Variants in PCDH9 observed in about 807,000 individuals in gnomAD.
PCDH9 encodes the protein protocadherin 9.
A neutral mutation model predicts 70.6 loss-of-function variants in PCDH9; 24 were observed. That is an observed-to-expected ratio of 0.34 (90% confidence interval 0.25 to 0.48). The LOEUF (loss-of-function observed/expected upper bound fraction) is 0.48. PCDH9 is among the 20% of genes least tolerant of loss of function. The probability of loss-of-function intolerance (pLI) is 0.99; values close to 1 mark genes in which losing one functional copy is unlikely to be tolerated. For synonymous variants in PCDH9, 562 were observed against 558.5 expected, an observed-to-expected ratio of 1.01 and a Z score of -0.09; for missense variants, 1,281 against 1,503.6, an observed-to-expected ratio of 0.85 and a Z score of 2.45.
intron 3 of PCDH9, among the ~76,000 whole-genome samples, chr13:66,679,303 A>G (rs2078286331): frequency 6.6e-6 from 1 of 151,798 alleles, no homozygotes; most frequent in Admixed American, 6.6e-5. Context: ...TAATACAATT[A>G]TAATACCTAC....
At chr13:66,720,326 GTT>G (rs66600272) in intron 3 of PCDH9, among the ~76,000 whole-genome samples, 66,825 of 131,962 alleles carry the variant, frequency 0.51, 16,222 homozygotes, top group Middle Eastern at 0.55. Flanking sequence ...TTGCTTTTTT[GTT>G]TTTTTTTTTT....
At chr13:66,414,298 A>G (rs944771104) in intron 4 of PCDH9, among the ~76,000 whole-genome samples, 3 of 152,126 alleles carry the variant, frequency 2.0e-5, no homozygotes, top group Non-Finnish European at 2.9e-5. Flanking sequence ...ACTTAACTAC[A>G]AAAGTTATTT....
intron 4 of PCDH9, among the ~76,000 whole-genome samples, chr13:66,472,290 TC>T (rs1462467437): frequency 6.6e-6 from 1 of 150,732 alleles, no homozygotes; most frequent in Non-Finnish European, 1.5e-5. Context: ...AAAACCCAGG[TC>T]AGGTGTGGTT....
rs891075217 is a variant in PCDH9, at chr13:66,951,220, A to G, written c.3037-47615T>C. Among the ~76,000 whole-genome samples the G allele has an allele frequency of 3.9e-5, 6 of 152,300 alleles. No individual in the cohort carries two copies. In the East Asian group the frequency reaches 1.2e-3, roughly 29 times the overall value. On this transcript the variant is annotated intron_variant, in intron 2 of 4. Transcript: ENST00000377865. ...TTTCACTTTTCAGTGCACAAGAAAT[A>G]TATACCTTTTTTTGTAATAATGTAA...
intron 2 of PCDH9, among the ~76,000 whole-genome samples, chr13:66,952,053 T>C (rs1306347212): frequency 6.6e-6 from 1 of 152,186 alleles, no homozygotes; most frequent in African/African-American, 2.4e-5. Flanking sequence ...GCCTGGTAAC[T>C]ATACAAGTCG....
chr13:66,883,440 C>T (rs902808238), intron 3 of PCDH9, among the ~76,000 whole-genome samples: 1 of 152,042 alleles, frequency 6.6e-6, no homozygotes, highest in Admixed American at 6.6e-5. Context: ...TGTAGAATAC[C>T]TCTGTCTCCC....
chr13:66,941,248 A>G (rs1654097063), intron 2 of PCDH9, among the ~76,000 whole-genome samples: 1 of 151,770 alleles, frequency 6.6e-6, no homozygotes, highest in Admixed American at 6.6e-5. Context: ...AGCAACCAAT[A>G]AAAATTTAAA....
intron 3 of PCDH9, among the ~76,000 whole-genome samples, chr13:66,851,167 C>T (rs1817317970): frequency 6.6e-6 from 1 of 152,112 alleles, no homozygotes; most frequent in African/African-American, 2.4e-5. Flanking sequence ...ACATGCTGCC[C>T]TTAGACAATT....
intron 2 of PCDH9, among the ~76,000 whole-genome samples, chr13:67,131,148 G>T (rs561026488): frequency 6.6e-6 from 1 of 152,198 alleles, no homozygotes; most frequent in South Asian, 2.1e-4. Context: ...TTTACTTATA[G>T]TTTGGGCCAA....
At chr13:66,634,578 C>T (rs1566471471) in intron 3 of PCDH9, among the ~76,000 whole-genome samples, 1 of 152,050 alleles carries the variant, frequency 6.6e-6, no homozygotes, top group Non-Finnish European at 1.5e-5. Context: ...GAAAATAATA[C>T]CTTGCCTGTG....
At chr13:66,638,235 C>T (rs570930602) in intron 3 of PCDH9, among the ~76,000 whole-genome samples, 20 of 152,136 alleles carry the variant, frequency 1.3e-4, no homozygotes, top group Non-Finnish European at 2.5e-4. Context: ...TGCCATCAGT[C>T]CTGAGGATTG....
intron 4 of PCDH9, among the ~76,000 whole-genome samples, chr13:66,354,186 A>G (rs988252237): frequency 6.6e-6 from 1 of 152,156 alleles, no homozygotes; most frequent in Non-Finnish European, 1.5e-5. Flanking sequence ...AGTTGGAAAC[A>G]ATAAGATTAA....
chr13:66,508,663 TA>T (rs113394221), intron 4 of PCDH9, among the ~76,000 whole-genome samples: 2 of 151,080 alleles, frequency 1.3e-5, no homozygotes, highest in Admixed American at 6.6e-5. Context: ...GGGATATTCA[TA>T]AAAAAAAACA....
intron 3 of PCDH9, among the ~76,000 whole-genome samples, chr13:66,747,517 A>G (rs1253197644): frequency 6.6e-6 from 1 of 152,224 alleles, no homozygotes; most frequent in African/African-American, 2.4e-5. Context: ...TTTAAGTGTT[A>G]AATACACTCA....
chr13:66,466,077 A>T (rs1958508542), intron 4 of PCDH9, among the ~76,000 whole-genome samples: 1 of 151,924 alleles, frequency 6.6e-6, no homozygotes, highest in Non-Finnish European at 1.5e-5. Flanking sequence ...ATATTGTCTG[A>T]TTCTTCATTT....
intron 4 of PCDH9, among the ~76,000 whole-genome samples, chr13:66,519,256 AAAACCAGATACCTGGT>A (rs1310808190): frequency 1.3e-5 from 2 of 152,180 alleles, no homozygotes; most frequent in Non-Finnish European, 2.9e-5. Context: ...TCCTTTAAAA[AAAACCAGATACCTGGT>A]AAGATCTATA....
At chr13:66,541,267 A>G (rs1220025350) in intron 4 of PCDH9, among the ~76,000 whole-genome samples, 1 of 152,188 alleles carries the variant, frequency 6.6e-6, no homozygotes, top group Non-Finnish European at 1.5e-5. Context: ...TCTCTGTGGA[A>G]GTGTCATTGT....
At chr13:66,961,390 A>G (rs1051583623) in intron 2 of PCDH9, among the ~76,000 whole-genome samples, 10 of 152,232 alleles carry the variant, frequency 6.6e-5, no homozygotes, top group African/African-American at 2.4e-4. Flanking sequence ...TAAATAAATA[A>G]TTATTGATTT....
chr13:67,174,827 AT>A (rs2088403109), intron 2 of PCDH9, among the ~76,000 whole-genome samples: 1 of 152,108 alleles, frequency 6.6e-6, no homozygotes, highest in Admixed American at 6.5e-5. Flanking sequence ...ATATCTAGAT[AT>A]GGATAGAAGC....
Sources: gnomAD v4.1 joint callset for allele counts (sites outside exome capture counted in the v4.1 genomes callset) on GRCh38, gnomAD v4.1.1 for gene constraint, MANE v1.5 for transcripts, NCBI Gene and HGNC (gene_info 2026-07-23, HGNC 2026-07-21) for gene names.